ARHGAP15: variants seen among roughly 807,000 people sequenced by gnomAD.
The protein encoded by ARHGAP15 is Rho GTPase activating protein 15.
ARHGAP15 carries 51 observed loss-of-function variants against 63.7 expected under a neutral mutation model. The ratio of observed to expected loss-of-function variants is 0.80; its 90% CI spans 0.64 to 1.01. The LOEUF (loss-of-function observed/expected upper bound fraction) is 1.01. ARHGAP15 is among the 50% of genes least tolerant of loss of function. The probability of loss-of-function intolerance (pLI) is 0.00; values close to 1 mark genes in which losing one functional copy is unlikely to be tolerated. For missense variants in ARHGAP15, 560 were observed against 564.6 expected (o/e 0.99, Z 0.08); for synonymous variants, 191 against 193.8 (o/e 0.99, Z 0.12).
chr2:143,434,692 T>A (rs899270277), intron 6 of ARHGAP15, among the ~76,000 whole-genome samples: 1 of 152,110 alleles, frequency 6.6e-6, no homozygotes, highest in African/African-American at 2.4e-5. Flanking sequence ...CATCTTCCAG[T>A]TGCAAGGAAA....
At chr2:143,556,741 G>A (rs1695816091) in intron 11 of ARHGAP15, among the ~76,000 whole-genome samples, 1 of 151,658 alleles carries the variant, frequency 6.6e-6, no homozygotes. Context: ...AAAAATGGGG[G>A]AAAGAATAGA....
chr2:143,154,297 T>C (rs1277760584), intron 1 of ARHGAP15, among the ~76,000 whole-genome samples: 1 of 151,950 alleles, frequency 6.6e-6, no homozygotes, highest in East Asian at 1.9e-4. Flanking sequence ...CTGGTATTTA[T>C]TGTAAAGTAA....
intron 6 of ARHGAP15, among the ~76,000 whole-genome samples, chr2:143,377,554 T>C (rs1686872833): frequency 6.6e-6 from 1 of 151,978 alleles, no homozygotes. Flanking sequence ...CTAGTTTTGT[T>C]TCCTATTTTT....
In ARHGAP15 at chr2:143,489,866, G is replaced by C. The variant is rs552783124; in HGVS notation, c.826+2371G>C. 5.3e-5 allele frequency among the ~76,000 whole-genome samples: 8 copies of C among 152,312 alleles called. No individual in the cohort carries two copies. In the South Asian group the frequency reaches 1.7e-3, roughly 32 times the overall value. Reference sequence around the variant, plus strand: ...ACTTTATAAACTGTCTAATCTTCCAGATCGGCACAAAAGGCCTCTATTACC... The same window carrying C: ...ACTTTATAAACTGTCTAATCTTCCACATCGGCACAAAAGGCCTCTATTACC... On this transcript the variant is annotated intron_variant, in intron 9 of 13. Transcript: ENST00000295095.
At chr2:143,583,129 T>TA (rs1696978421) in intron 11 of ARHGAP15, among the ~76,000 whole-genome samples, 1 of 152,176 alleles carries the variant, frequency 6.6e-6, no homozygotes, top group Non-Finnish European at 1.5e-5. Flanking sequence ...GTGCCATTGT[T>TA]AAGAGATGGG....
intron 13 of ARHGAP15, among the ~76,000 whole-genome samples, chr2:143,727,149 A>G (rs1308793955): frequency 6.6e-6 from 1 of 152,206 alleles, no homozygotes; most frequent in Non-Finnish European, 1.5e-5. Context: ...GGATGAGGTG[A>G]GAATATTGAT....
intron 8 of ARHGAP15, among the ~76,000 whole-genome samples, chr2:143,447,629 C>G (rs556961242): frequency 6.6e-6 from 1 of 152,292 alleles, no homozygotes; most frequent in South Asian, 2.1e-4. Flanking sequence ...AGACCTTCTG[C>G]TAATTACCCC....
At chr2:143,321,918 T>C (rs1558891565) in intron 6 of ARHGAP15, among the ~76,000 whole-genome samples, 1 of 152,146 alleles carries the variant, frequency 6.6e-6, no homozygotes, top group East Asian at 1.9e-4. Flanking sequence ...CCTCAAGCAA[T>C]CCTCCTGCCT....
At chr2:143,450,556 T>G (rs1286612560) in intron 8 of ARHGAP15, among the ~76,000 whole-genome samples, 2 of 151,938 alleles carry the variant, frequency 1.3e-5, no homozygotes, top group Non-Finnish European at 2.9e-5. Flanking sequence ...CTTTCCAGCT[T>G]GAATAGTTTT....
intron 10 of ARHGAP15, among the ~76,000 whole-genome samples, chr2:143,547,985 C>A (rs1273058039): frequency 6.6e-6 from 1 of 151,960 alleles, no homozygotes; most frequent in East Asian, 1.9e-4. Flanking sequence ...AATGTAGAAC[C>A]ACTAAGAAAA....
At chr2:143,391,978 G>A (rs974161672) in intron 6 of ARHGAP15, among the ~76,000 whole-genome samples, 1 of 152,058 alleles carries the variant, frequency 6.6e-6, no homozygotes, top group Non-Finnish European at 1.5e-5. Context: ...TAACACATAG[G>A]CTATCCAAGA....
At chr2:143,510,433 T>A (rs1222433752) in intron 9 of ARHGAP15, among the ~76,000 whole-genome samples, 1 of 152,204 alleles carries the variant, frequency 6.6e-6, no homozygotes, top group Non-Finnish European at 1.5e-5. Flanking sequence ...ATGACAATGC[T>A]GATGCTGGTG....
chr2:143,459,217 T>C (rs555884821), intron 8 of ARHGAP15, among the ~76,000 whole-genome samples: 16 of 152,236 alleles, frequency 1.1e-4, no homozygotes, highest in African/African-American at 3.6e-4. Flanking sequence ...ATAGAATGAT[T>C]TGAGTAGCTA....
At chr2:143,682,321 T>C (rs974214522) in intron 12 of ARHGAP15, among the ~76,000 whole-genome samples, 2 of 151,994 alleles carry the variant, frequency 1.3e-5, no homozygotes, top group South Asian at 4.1e-4. Context: ...TTTCCTTTTA[T>C]TGCAGGTTAA....
At position 143,540,058 on chromosome 2, in the gene ARHGAP15, A is replaced by G. The variant is rs375560792; in HGVS notation, c.926-16350A>G. ...CTAAGGACTTGCTTTATGAATCTGG[A>G]TGCTCCTGTATTGGGTGCATATATA... On this transcript the variant is annotated intron_variant, in intron 10 of 13. Transcript: ENST00000295095. Among the ~76,000 whole-genome samples the G allele has an allele frequency of 3.9e-3, 598 of 152,088 alleles. 4 individuals carry two copies. The highest frequency in any genetic ancestry group is 0.014 in the African/African-American group (567 of 41,454).
At chr2:143,245,618 C>CTTTTT (rs11381798) in intron 5 of ARHGAP15, among the ~76,000 whole-genome samples, 2 of 150,118 alleles carry the variant, frequency 1.3e-5, no homozygotes, top group Admixed American at 6.6e-5. Context: ...TTTTCTTCTT[C>CTTTTT]TTCTTTTTTT....
intron 9 of ARHGAP15, among the ~76,000 whole-genome samples, chr2:143,491,391 T>C: frequency 6.6e-6 from 1 of 152,190 alleles, no homozygotes. Flanking sequence ...TTGTTTGGCT[T>C]TTTAGGAGCA....
chr2:143,308,464 T>G (rs1683279350), intron 6 of ARHGAP15, among the ~76,000 whole-genome samples: 1 of 126,086 alleles, frequency 7.9e-6, no homozygotes, highest in Non-Finnish European at 1.7e-5. Context: ...TTTGCAGGAT[T>G]GAGTTGATAA....
chr2:143,517,572 G>A (rs770228982), intron 9 of ARHGAP15, among the ~76,000 whole-genome samples: 29 of 152,132 alleles, frequency 1.9e-4, no homozygotes, highest in Non-Finnish European at 3.5e-4. Context: ...TAGGTACTCA[G>A]GATCCAATAA....
Sources: allele counts gnomAD v4.1 joint callset (sites outside exome capture counted in the v4.1 genomes callset), GRCh38; gene constraint gnomAD v4.1.1; transcripts MANE v1.5; gene names NCBI Gene and HGNC (gene_info 2026-07-23, HGNC 2026-07-21).